Variants in SLC24A3 observed in about 807,000 individuals in gnomAD.
The protein encoded by SLC24A3 is sodium/potassium/calcium exchanger 3.
SLC24A3 carries 28 observed loss-of-function variants against 75.8 expected under a neutral mutation model. That is an observed-to-expected ratio of 0.37 (90% CI 0.27 to 0.51). The LOEUF is 0.51. Ranked by LOEUF, SLC24A3 falls within the 20% of genes least tolerant of loss-of-function variation. The pLI is 0.94. For missense variants in SLC24A3, 663 were observed against 847.8 expected (o/e 0.78, Z 2.71); for synonymous variants, 372 against 334.1 (o/e 1.11, Z -1.24).
chr20:19,410,639 C>T (rs1022254216), intron 2 of SLC24A3, among the ~76,000 whole-genome samples: 1 of 152,048 alleles, frequency 6.6e-6, no homozygotes, highest in Non-Finnish European at 1.5e-5. Context: ...AAGCCGAAAC[C>T]ACATCTAATT....
intron 2 of SLC24A3, among the ~76,000 whole-genome samples, chr20:19,496,042 A>G (rs1371604850): frequency 1.3e-5 from 2 of 152,208 alleles, no homozygotes; most frequent in African/African-American, 4.8e-5. Context: ...AACACTGAGA[A>G]GACACTCTCC....
intron 2 of SLC24A3, among the ~76,000 whole-genome samples, chr20:19,374,006 C>T (rs1213113584): frequency 6.6e-6 from 1 of 152,132 alleles, no homozygotes; most frequent in Non-Finnish European, 1.5e-5. Flanking sequence ...TGTCACTTGG[C>T]CACTAATGTC....
chr20:19,426,823 G>A (rs1309427636), intron 2 of SLC24A3, among the ~76,000 whole-genome samples: 1 of 152,178 alleles, frequency 6.6e-6, no homozygotes, highest in Non-Finnish European at 1.5e-5. Context: ...GGTGGGTGAT[G>A]AGGAATACCT....
At chr20:19,596,718 G>A in intron 6 of SLC24A3, among the ~76,000 whole-genome samples, 1 of 152,150 alleles carries the variant, frequency 6.6e-6, no homozygotes, top group East Asian at 1.9e-4. Flanking sequence ...CTATGTCCTG[G>A]ATAGCACTGC....
intron 15 of SLC24A3, among the ~76,000 whole-genome samples, chr20:19,701,172 C>T (rs2032867813): frequency 6.6e-6 from 1 of 152,060 alleles, no homozygotes; most frequent in Non-Finnish European, 1.5e-5. Context: ...CAGGCACATA[C>T]TCAAGCCATG....
chr20:19,541,500 G>T (rs181196185), intron 3 of SLC24A3, among the ~76,000 whole-genome samples: 1 of 152,162 alleles, frequency 6.6e-6, no homozygotes, highest in South Asian at 2.1e-4. Flanking sequence ...AGTTAGAACA[G>T]GTGCTGAAGG....
rs561894517 is a variant in SLC24A3, at chr20:19,300,614, G to A, written c.271+19527G>A. On this transcript the variant is annotated intron_variant, in intron 2 of 16. Coordinates refer to ENST00000328041, the MANE Select transcript of SLC24A3 (RefSeq NM_020689.4). The stretch of plus-strand genomic sequence containing the variant: ...TACACACATATGCTCATTGTCACAC[G>A]GCTAAAGAACTTCCGGGGCTCATAA... 3.3e-5 allele frequency among the ~76,000 whole-genome samples: 5 copies of A among 152,286 alleles called. No individual in the cohort carries two copies. The South Asian group carries it at 8.3e-4, about 25-fold the overall frequency.
intron 2 of SLC24A3, among the ~76,000 whole-genome samples, chr20:19,319,240 TGGGCTTAATTTTTGCTCC>T (rs1330895888): frequency 7.2e-5 from 11 of 152,240 alleles, no homozygotes; most frequent in African/African-American, 2.7e-4. Flanking sequence ...AGGGGCTGGC[TGGGCTTAATTTTTGCTCC>T]GTAAATATGC....
chr20:19,517,164 C>A (rs910135582), intron 3 of SLC24A3, among the ~76,000 whole-genome samples: 2 of 152,190 alleles, frequency 1.3e-5, no homozygotes, highest in Admixed American at 6.5e-5. Flanking sequence ...ATGGATGGCA[C>A]CTTCGGCACC....
chr20:19,622,881 G>T (rs1330515288), intron 6 of SLC24A3, among the ~76,000 whole-genome samples: 1 of 152,142 alleles, frequency 6.6e-6, no homozygotes, highest in Non-Finnish European at 1.5e-5. Flanking sequence ...GGAGGAGCAG[G>T]CATATCCCAT....
At chr20:19,283,351 A>G (rs1983714260) in intron 2 of SLC24A3, 1 of 152,318 alleles carries the variant, frequency 6.6e-6, no homozygotes, top group Non-Finnish European at 1.5e-5. Context: ...AAATGTCTCC[A>G]CATGTGCTGT....
chr20:19,446,856 C>T (rs1014293019), intron 2 of SLC24A3, among the ~76,000 whole-genome samples: 14 of 152,168 alleles, frequency 9.2e-5, no homozygotes, highest in African/African-American at 1.9e-4. Flanking sequence ...CTGCAGTGCT[C>T]GTCGTCAGCT....
At chr20:19,400,139 C>A (rs751677990) in intron 2 of SLC24A3, among the ~76,000 whole-genome samples, 4 of 152,062 alleles carry the variant, frequency 2.6e-5, no homozygotes, top group Non-Finnish European at 5.9e-5. Flanking sequence ...ATTGATTTAT[C>A]TCCTCATTAT....
At chr20:19,600,145 T>C (rs2031510126) in intron 6 of SLC24A3, among the ~76,000 whole-genome samples, 1 of 152,148 alleles carries the variant, frequency 6.6e-6, no homozygotes, top group African/African-American at 2.4e-5. Context: ...CACGTGGCTT[T>C]CACCCAAACA....
At chr20:19,496,532 T>C (rs1182333084) in intron 2 of SLC24A3, among the ~76,000 whole-genome samples, 1 of 152,188 alleles carries the variant, frequency 6.6e-6, no homozygotes, top group African/African-American at 2.4e-5. Flanking sequence ...TTTGGAATGA[T>C]CAAGAGAATG....
chr20:19,604,735 G>T (rs78294665), intron 6 of SLC24A3, among the ~76,000 whole-genome samples: 1 of 152,254 alleles, frequency 6.6e-6, no homozygotes, highest in South Asian at 2.1e-4. Context: ...TTGAGTGTTC[G>T]CTCAAATCCC....
chr20:19,376,048 T>C (rs915675942), intron 2 of SLC24A3, among the ~76,000 whole-genome samples: 1 of 152,170 alleles, frequency 6.6e-6, no homozygotes, highest in African/African-American at 2.4e-5. Context: ...CTTATCAAAG[T>C]AAGATCATCC....
intron 6 of SLC24A3, among the ~76,000 whole-genome samples, chr20:19,601,834 T>C (rs1329095349): frequency 6.6e-6 from 1 of 152,198 alleles, no homozygotes; most frequent in East Asian, 1.9e-4. Flanking sequence ...CTATTACTAA[T>C]AATAATTGAA....
intron 1 of SLC24A3, among the ~76,000 whole-genome samples, chr20:19,234,671 G>A (rs1404959573): frequency 1.3e-5 from 2 of 152,220 alleles, no homozygotes; most frequent in East Asian, 1.9e-4. Context: ...AGCTGCAGGT[G>A]CACAGGAGCA....
Sources: allele counts gnomAD v4.1 joint callset (sites outside exome capture counted in the v4.1 genomes callset), GRCh38; gene constraint gnomAD v4.1.1; transcripts MANE v1.5; gene names NCBI Gene and HGNC (gene_info 2026-07-23, HGNC 2026-07-21).